Variants in MALRD1 observed in about 807,000 individuals in gnomAD.
MALRD1 encodes MAM and LDL-receptor class A domain-containing protein 1.
Under a neutral mutation model 242.1 loss-of-function variants are expected in MALRD1, and 247 were observed. The ratio of observed to expected loss-of-function variants is 1.02; its 90% CI spans 0.92 to 1.13. The LOEUF is 1.13. Among genes scored for constraint, MALRD1 ranks in the 50% most tolerant of loss-of-function variants. MALRD1 has a pLI of 0.00. For synonymous variants in MALRD1, 995 were observed against 866.6 expected, an observed-to-expected ratio of 1.15 and a Z score of -2.60; for missense variants, 2,989 against 2,533.1, an observed-to-expected ratio of 1.18 and a Z score of -3.86.
intron 39 of MALRD1, among the ~76,000 whole-genome samples, chr10:19,733,103 C>G (rs1462073225): frequency 1.3e-5 from 2 of 152,088 alleles, no homozygotes; most frequent in Non-Finnish European, 2.9e-5. Context: ...TTCTCTAAGT[C>G]TATCTTTCAA....
rs180873356 is a variant in MALRD1, at chr10:19,079,975, C to T, written c.341-7865C>T. ...TGCTAGCACTCCTATATGCCAACAT[C>T]TGGCAAGTAGAGAACCAAATTATGA... On this transcript the variant is annotated intron_variant, in intron 2 of 39. Coordinates refer to ENST00000454679, the MANE Select transcript of MALRD1 (RefSeq NM_001142308.3). 2.3e-4 allele frequency among the ~76,000 whole-genome samples: 35 copies of T among 152,092 alleles called. 1 individual carries two copies. The East Asian group carries it at 5.8e-3, about 25-fold the overall frequency.
intron 21 of MALRD1, 68 bp downstream of exon 21, chr10:19,283,249 C>T (rs1840911127): frequency 7.8e-7 from 1 of 1,282,402 alleles, no homozygotes; most frequent in Non-Finnish European, 1.0e-6. Context: ...AAATTTCTGC[C>T]CCCACCACCT....
Position 19,531,236 on chromosome 10 carries a change from A to G in MALRD1, c.5363A>G (p.Lys1788Arg). The change falls in exon 32 of 40, where the codon AAG becomes AGG. Residue 1788 changes from lysine to arginine, a missense_variant. Coordinates refer to ENST00000454679, the MANE Select transcript of MALRD1 (RefSeq NM_001142308.3). ...CTGTACGTCAACTCATCTGGCTCCA[A>G]GGAAGGATCCGTTGCCAGAATTACT... ...HFLYVNSSGS[K>R]EGSVARITTS... 1 of 1,550,448 alleles carries G rather than the reference A, an allele frequency of 6.4e-7. No individual in the cohort carries two copies. Among genetic ancestry groups the G allele is most frequent in the Non-Finnish European group, 8.7e-7 (1 of 1,146,878 alleles).
At chr10:19,491,117 G>C in intron 29 of MALRD1, 1 of 358,912 alleles carries the variant, frequency 2.8e-6, no homozygotes, top group Non-Finnish European at 5.7e-6. Flanking sequence ...TATAGACTCA[G>C]ATCACCAGGA....
chr10:19,591,497 G>GTTTT (rs35785107), intron 33 of MALRD1, among the ~76,000 whole-genome samples: 3 of 116,294 alleles, frequency 2.6e-5, no homozygotes, highest in Admixed American at 8.9e-5. Flanking sequence ...TTTTATTTTA[G>GTTTT]TTTTTTTTTT....
rs117713808 is a variant in MALRD1, at chr10:19,474,558, G to A, written c.5030-16959G>A. On this transcript the variant is annotated intron_variant, in intron 29 of 39. Coordinates refer to ENST00000454679, the MANE Select transcript of MALRD1 (RefSeq NM_001142308.3). ...CCATCCTTTTCATTCACCAACTAAT[G>A]TTGTTCCCTGGTGTCATTACAAGGA... Among the ~76,000 whole-genome samples, 1,499 of 152,032 alleles carry A rather than the reference G, an allele frequency of 9.9e-3. 17 individuals are homozygous for A. Among genetic ancestry groups the A allele is most frequent in the Middle Eastern group, 0.027 (8 of 294 alleles).
intron 12 of MALRD1, among the ~76,000 whole-genome samples, chr10:19,162,385 A>T (rs1030511467): frequency 6.6e-6 from 1 of 151,802 alleles, no homozygotes. Context: ...CTTTTCTTTA[A>T]TGCAATTAAC....
chr10:19,527,812 A>C (rs1834171674), intron 31 of MALRD1, among the ~76,000 whole-genome samples: 1 of 152,214 alleles, frequency 6.6e-6, no homozygotes, highest in Non-Finnish European at 1.5e-5. Flanking sequence ...TATTTTTCTT[A>C]CTGAAGATAA....
intron 34 of MALRD1, among the ~76,000 whole-genome samples, chr10:19,603,347 G>A (rs1018831787): frequency 1.1e-4 from 16 of 151,944 alleles, no homozygotes; most frequent in Admixed American, 7.9e-4. Context: ...TACGTCTTTA[G>A]TCCATCTTGA....
chr10:19,088,183 C>G lies in MALRD1; in HGVS notation c.595C>G (p.Gln199Glu). The G allele has an allele frequency of 3.2e-6, 4 of 1,233,188 alleles. No individual in the cohort carries two copies. Among genetic ancestry groups the G allele is most frequent in the Non-Finnish European group, 4.1e-6 (4 of 987,650 alleles). 76.4% of individuals were successfully genotyped at this position (1,233,188 alleles called of 1,614,324 possible). A position where few individuals can be genotyped will look rare whatever the true frequency, so the allele number is the denominator to read the frequency against. Residue 199 changes from glutamine (Q) to glutamate (E), a missense_variant and splice_region_variant, in exon 4 of 40, where the codon CAG (glutamine) becomes GAG (glutamate). Gln to Glu is a conservative substitution (Grantham distance 29). Transcript: ENST00000454679. ...CAAAATCCAGAGTTCACAGAGATTTCAGGTATGTGTGTTCTATTTTCTAAC... is the reference window on the plus strand; with the variant it reads ...CAAAATCCAGAGTTCACAGAGATTTGAGGTATGTGTGTTCTATTTTCTAAC... Reference protein sequence around the residue: ...VIKIQSSQRFQVVFEGQMAST... With the variant: ...VIKIQSSQRFEVVFEGQMAST...
At chr10:19,341,447 T>TATGTGTATATATATGTATATATGTATAC (rs1203144121) in intron 24 of MALRD1, among the ~76,000 whole-genome samples, 29 of 128,848 alleles carry the variant, frequency 2.3e-4, no homozygotes, top group African/African-American at 7.7e-4. Flanking sequence ...TGTATATATA[T>TATGTGTATATATATGTATATATGTATAC]ATATGTGTAT....
Position 19,705,642 on chromosome 10 carries a change from TTCCTCC to T in MALRD1, c.6314+13106_6314+13111del, listed in dbSNP as rs151069981. On this transcript the variant is annotated intron_variant, in intron 38 of 39. Transcript: ENST00000454679. Reference sequence around the variant, plus strand: ...AAACAGGGTTAGGCCACCAGCATGATTCCTCCTCCTCCTCCTCCTCCTCTTTCTATT... The same window carrying T: ...AAACAGGGTTAGGCCACCAGCATGATTCCTCCTCCTCCTCCTCTTTCTATT... Among the ~76,000 whole-genome samples the T allele has an allele frequency of 6.5e-4, 98 of 151,476 alleles. No homozygotes were observed. The East Asian group carries it at 0.019, about 29-fold the overall frequency.
chr10:19,574,986 G>T (rs1836737072), intron 33 of MALRD1, among the ~76,000 whole-genome samples: 1 of 152,192 alleles, frequency 6.6e-6, no homozygotes, highest in Non-Finnish European at 1.5e-5. Context: ...TCTATGTGGT[G>T]CCCTTGAGTT....
At chr10:19,690,217 C>T (rs1021426502) in intron 36 of MALRD1, among the ~76,000 whole-genome samples, 5 of 151,978 alleles carry the variant, frequency 3.3e-5, no homozygotes, top group Admixed American at 6.6e-5. Context: ...TAAAATTCAA[C>T]ATATTTTGAA....
At position 19,265,538 on chromosome 10, in the gene MALRD1, TC is replaced by T. The variant is rs567538952; in HGVS notation, c.3079+7771del. On this transcript the variant is annotated intron_variant, in intron 19 of 39. Transcript: ENST00000454679. ...CCATGTTTGTGAATTTTCCAACTTT[TC>T]CCCTCTCAATGATTTCCAGTTTCAT... Among the ~76,000 whole-genome samples the T allele has an allele frequency of 3.9e-5, 6 of 152,238 alleles. No individual in the cohort carries two copies. The South Asian group carries it at 1.2e-3, about 32-fold the overall frequency.
intron 27 of MALRD1, among the ~76,000 whole-genome samples, chr10:19,388,587 G>A (rs1382782217): frequency 6.6e-6 from 1 of 152,158 alleles, no homozygotes; most frequent in East Asian, 1.9e-4. Context: ...TGGAGATGAT[G>A]TATATGAAGA....
At chr10:19,724,683 C>T (rs1371866387) in intron 38 of MALRD1, among the ~76,000 whole-genome samples, 2 of 152,196 alleles carry the variant, frequency 1.3e-5, no homozygotes, top group African/African-American at 4.8e-5. Context: ...TTTATAGCCC[C>T]ACTAAGCTAG....
chr10:19,580,775 C>CATA (rs1360206808), intron 33 of MALRD1, among the ~76,000 whole-genome samples: 6 of 152,130 alleles, frequency 3.9e-5, no homozygotes, highest in Middle Eastern at 3.2e-3. Context: ...CCATATTGGA[C>CATA]ATAAGTTCTG....
intron 4 of MALRD1, among the ~76,000 whole-genome samples, chr10:19,088,580 T>TA (rs1835766419): frequency 9.1e-6 from 1 of 109,704 alleles, no homozygotes; most frequent in Non-Finnish European, 1.8e-5. Flanking sequence ...TTTATTTATT[T>TA]ATTTATTTAT....
Sources: allele counts gnomAD v4.1 joint callset (sites outside exome capture counted in the v4.1 genomes callset), GRCh38; gene constraint gnomAD v4.1.1; transcripts MANE v1.5; gene names NCBI Gene and HGNC (gene_info 2026-07-23, HGNC 2026-07-21).